ZNF106: variants seen among roughly 807,000 people sequenced by gnomAD.
ZNF106 encodes SH3-domain binding protein 3.
Under a neutral mutation model 195.1 loss-of-function variants are expected in ZNF106, and 67 were observed. The observed-to-expected ratio is 0.34, with a 90% confidence interval of 0.28 to 0.42. The LOEUF (loss-of-function observed/expected upper bound fraction) is 0.42, where lower values mean the gene tolerates loss of function less well. Among genes scored for constraint, ZNF106 ranks in the 10% least tolerant of loss-of-function variants. The pLI, the probability that ZNF106 is intolerant of heterozygous loss-of-function variation, is 1.00. For synonymous variants in ZNF106, 784 were observed against 818.6 expected, an observed-to-expected ratio of 0.96 and a Z score of 0.72; for missense variants, 2,118 against 2,304.5, an observed-to-expected ratio of 0.92 and a Z score of 1.66.
chr15:42,488,486 G>C (rs1476852309), intron 1 of ZNF106, among the ~76,000 whole-genome samples: 2 of 151,872 alleles, frequency 1.3e-5, no homozygotes, highest in Non-Finnish European at 2.9e-5. Flanking sequence ...GTTTCCACTA[G>C]TGATTTCACA....
intron 6 of ZNF106, among the ~76,000 whole-genome samples, chr15:42,447,734 T>C (rs2055825984): frequency 6.6e-6 from 1 of 152,238 alleles, no homozygotes; most frequent in African/African-American, 2.4e-5. Flanking sequence ...CTTTCTTCAG[T>C]AGCAGTGCAG....
chr15:42,451,353 C>G lies in ZNF106; in HGVS notation c.919G>C (p.Glu307Gln). The G allele has an allele frequency of 6.2e-7, 1 of 1,613,776 alleles. No individual in the cohort carries two copies. The highest frequency in any genetic ancestry group is 1.1e-5 in the South Asian group (1 of 91,066). The change falls in exon 5 of 22, where the codon GAA becomes CAA. Residue 307 changes from glutamate to glutamine, a missense_variant. Transcript: ENST00000564754. ...SHDRYNWQRQ[E>Q]NDKLGTVATY... ...GCAACTGTACCAAGTTTGTCATTTT[C>G]TTGCCGCTGCCAATTATATCTGTCG...
intron 3 of ZNF106, among the ~76,000 whole-genome samples, chr15:42,464,528 T>TC (rs1161984402): frequency 1.4e-5 from 2 of 145,236 alleles, no homozygotes; most frequent in Non-Finnish European, 3.0e-5. Flanking sequence ...GCTACTTTTT[T>TC]TTTTTTTTTT....
intron 4 of ZNF106, among the ~76,000 whole-genome samples, chr15:42,453,221 T>C (rs2056111616): frequency 6.6e-6 from 1 of 152,184 alleles, no homozygotes. Context: ...CCTTAGAACC[T>C]AGCTGAGACA....
rs747816143 is a variant in ZNF106 at position 42,448,307 on chromosome 15, T to C, written c.2900A>G (p.His967Arg). Residue 967 changes from histidine to arginine, a missense_variant, in exon 6 of 22, where the codon CAT becomes CGT. By Grantham distance (29) the His-to-Arg change is conservative. Coordinates refer to ENST00000564754, the MANE Select transcript of ZNF106 (RefSeq NM_001366845.3). ...TGCCAAATGCATCAAAGGTATTATA[T>C]GGTCAGAGGATAATTGTGCACTATG... ...RRHSAQLSSD[H>R]IIPLMHLAKD... 4.3e-6 allele frequency: 7 copies of C among 1,614,104 alleles called. No individual in the cohort carries two copies. The East Asian group carries it at 8.9e-5, about 21-fold the overall frequency.
At chr15:42,427,198 C>A (rs1470494542) in intron 15 of ZNF106, among the ~76,000 whole-genome samples, 1 of 152,124 alleles carries the variant, frequency 6.6e-6, no homozygotes, top group Non-Finnish European at 1.5e-5. Flanking sequence ...TGTCAGCTTC[C>A]ACTACAAAAC....
intron 9 of ZNF106, among the ~76,000 whole-genome samples, chr15:42,443,695 G>C (rs1366371721): frequency 2.6e-5 from 4 of 151,510 alleles, no homozygotes; most frequent in Non-Finnish European, 5.9e-5. Flanking sequence ...GTGCCACTGC[G>C]CTCCAGCCTG....
At chr15:42,444,503 G>A (rs185044063) in intron 8 of ZNF106, among the ~76,000 whole-genome samples, 3 of 152,324 alleles carry the variant, frequency 2.0e-5, no homozygotes, top group East Asian at 3.9e-4. Flanking sequence ...CCCTGGCCCT[G>A]AGCCAAATTC....
intron 4 of ZNF106, among the ~76,000 whole-genome samples, chr15:42,453,188 T>G (rs2056110774): frequency 6.6e-6 from 1 of 152,194 alleles, no homozygotes; most frequent in Non-Finnish European, 1.5e-5. Context: ...AAGACTTTTA[T>G]GTACAGTTCC....
intron 1 of ZNF106, among the ~76,000 whole-genome samples, chr15:42,473,007 GAAAAAA>G (rs1168170005): frequency 1.1e-5 from 1 of 88,390 alleles, no homozygotes; most frequent in Non-Finnish European, 2.5e-5. Flanking sequence ...CTCCAACTTT[GAAAAAA>G]AAAAAAAAAA....
At chr15:42,470,693 G>A (rs750885164) in intron 2 of ZNF106, among the ~76,000 whole-genome samples, 1 of 152,046 alleles carries the variant, frequency 6.6e-6, no homozygotes, top group Non-Finnish European at 1.5e-5. Context: ...CAAAATCATG[G>A]TATCACAAGA....
At chr15:42,465,944 T>C (rs2056505669) in intron 3 of ZNF106, 109 bp downstream of exon 3, 1 of 882,182 alleles carries the variant, frequency 1.1e-6, no homozygotes, top group Non-Finnish European at 1.7e-6. Context: ...TTCTACGCCA[T>C]AAGACAACAT....
chr15:42,425,980 C>G (rs1462829833), intron 15 of ZNF106, among the ~76,000 whole-genome samples: 1 of 152,158 alleles, frequency 6.6e-6, no homozygotes, highest in African/African-American at 2.4e-5. Context: ...GTTCATTAAG[C>G]CTCCCACTTC....
chr15:42,449,694 G>A (rs768533536), intron 5 of ZNF106, 77 bp downstream of exon 5: 38 of 1,508,438 alleles, frequency 2.5e-5, no homozygotes, highest in East Asian at 6.8e-5. Context: ...GAAACACGTA[G>A]AATTCTCTTG....
At chr15:42,488,342 C>G (rs2057062101) in intron 1 of ZNF106, among the ~76,000 whole-genome samples, 3 of 152,166 alleles carry the variant, frequency 2.0e-5, no homozygotes, top group Non-Finnish European at 4.4e-5. Flanking sequence ...ATAGAGCTGG[C>G]TCATTCTTTC....
chr15:42,441,395 C>A (rs1182526039), intron 10 of ZNF106, among the ~76,000 whole-genome samples: 3 of 151,928 alleles, frequency 2.0e-5, no homozygotes, highest in Non-Finnish European at 4.4e-5. Flanking sequence ...AATATTGCAA[C>A]ATAGTACTGG....
intron 4 of ZNF106, among the ~76,000 whole-genome samples, chr15:42,454,977 T>C (rs2056180170): frequency 6.6e-6 from 1 of 152,158 alleles, no homozygotes; most frequent in Non-Finnish European, 1.5e-5. Context: ...ATAGTAACTA[T>C]GATACAAATG....
rs140464950 is a variant in ZNF106 at position 42,448,172 on chromosome 15, G to A, written c.3035C>T (p.Ala1012Val). ...CLSSSASSAL[A>V]ISSLADAATD... The stretch of plus-strand genomic sequence containing the variant: ...GGCTGCATCCGCTAAACTGGAGATC[G>A]CAAGGGCTGAGGATGCGCTTGATGA... The change falls in exon 6 of 22, where the codon GCG (alanine) becomes GTG (valine). Residue 1012 changes from alanine to valine, a missense_variant. By Grantham distance (64) the Ala-to-Val change is moderately conservative. Coordinates refer to ENST00000564754, the MANE Select transcript of ZNF106 (RefSeq NM_001366845.3). The A allele has an allele frequency of 6.1e-4, 992 of 1,614,110 alleles. 6 individuals carry two copies. The South Asian group carries it at 6.4e-3, about 10-fold the overall frequency.
chr15:42,484,500 G>A (rs554541385), intron 1 of ZNF106, among the ~76,000 whole-genome samples: 7 of 152,200 alleles, frequency 4.6e-5, no homozygotes, highest in South Asian at 2.1e-4. Flanking sequence ...GGCGGCTCAC[G>A]CCTGTAATCC....
Sources: gnomAD v4.1 joint callset for allele counts (sites outside exome capture counted in the v4.1 genomes callset) on GRCh38, gnomAD v4.1.1 for gene constraint, MANE v1.5 for transcripts, NCBI Gene and HGNC (gene_info 2026-07-23, HGNC 2026-07-21) for gene names.